The following SLC44A5 variants were observed in gnomAD, a reference collection of about 807,000 sequenced individuals.
SLC44A5 encodes choline transporter-like protein 5.
In SLC44A5, 57 loss-of-function variants were observed where a neutral mutation model predicts 101.8. The observed-to-expected ratio is 0.56, with a 90% CI of 0.45 to 0.70. The LOEUF is 0.70. Among genes scored for constraint, SLC44A5 ranks in the 30% least tolerant of loss-of-function variants. The pLI is 0.00. For missense variants in SLC44A5, 737 were observed against 853.1 expected (o/e 0.86, Z 1.70); for synonymous variants, 281 against 290.9 (o/e 0.97, Z 0.35).
chr1:75,246,558 TAATA>T lies in SLC44A5; in HGVS notation c.346-3551_346-3548del, dbSNP rs573467461. On this transcript the variant is annotated intron_variant, in intron 7 of 23. Coordinates refer to ENST00000370859, the MANE Select transcript of SLC44A5 (RefSeq NM_001130058.2). ...GTGGTAGTGGGAGACATATAAGAAA[TAATA>T]AATAAGTAAAATGTTTGTCATAAGA... 1.4e-3 allele frequency among the ~76,000 whole-genome samples: 216 copies of T among 152,018 alleles called. 1 individual carries two copies. The highest frequency in any genetic ancestry group is 2.7e-3 in the Non-Finnish European group (182 of 67,956).
the SLC44A5 span, among the ~76,000 whole-genome samples, chr1:75,694,068 G>A: frequency 6.6e-6 from 1 of 151,028 alleles, no homozygotes; most frequent in Admixed American, 6.6e-5. Flanking sequence ...TTAAAGATGA[G>A]AGTGATAATA....
chr1:75,499,064 G>A (rs1668812713), intron 2 of SLC44A5, among the ~76,000 whole-genome samples: 2 of 152,172 alleles, frequency 1.3e-5, no homozygotes, highest in African/African-American at 4.8e-5. Flanking sequence ...ATTCAAAACA[G>A]TAGCATGCTG....
chr1:75,536,627 G>GAAA (rs1671027340), intron 2 of SLC44A5, among the ~76,000 whole-genome samples: 6 of 35,470 alleles, frequency 1.7e-4, no homozygotes, highest in Admixed American at 4.1e-4. Context: ...GAAAAGAAAA[G>GAAA]AAAGAAAAAA....
intron 1 of SLC44A5, among the ~76,000 whole-genome samples, chr1:75,601,468 C>T (rs1674978680): frequency 6.6e-6 from 1 of 152,006 alleles, no homozygotes; most frequent in South Asian, 2.1e-4. Context: ...ACCACTATGG[C>T]ATGTGTACAC....
chr1:75,546,987 G>A (rs928877914), intron 1 of SLC44A5, among the ~76,000 whole-genome samples: 3 of 151,988 alleles, frequency 2.0e-5, no homozygotes, highest in Admixed American at 2.0e-4. Flanking sequence ...ATTGAAGCAA[G>A]AACAAACATT....
At chr1:75,609,066 T>C (rs764309838) in intron 1 of SLC44A5, among the ~76,000 whole-genome samples, 263 of 151,944 alleles carry the variant, frequency 1.7e-3, no homozygotes, top group Non-Finnish European at 2.5e-3. Flanking sequence ...TAGTAAGCGA[T>C]TGATTAACAC....
chr1:75,376,278 C>T (rs927859866), intron 3 of SLC44A5, among the ~76,000 whole-genome samples: 3 of 152,252 alleles, frequency 2.0e-5, no homozygotes, highest in African/African-American at 4.8e-5. Context: ...CCGCCATTGC[C>T]CAGGCTTGCC....
At chr1:75,343,512 T>C (rs1324038564) in intron 3 of SLC44A5, among the ~76,000 whole-genome samples, 8 of 152,114 alleles carry the variant, frequency 5.3e-5, no homozygotes, top group Non-Finnish European at 1.0e-4. Flanking sequence ...ACAATATAAC[T>C]ACCATTGATA....
chr1:75,461,710 C>A, intron 2 of SLC44A5, among the ~76,000 whole-genome samples: 1 of 152,162 alleles, frequency 6.6e-6, no homozygotes, highest in African/African-American at 2.4e-5. Context: ...AGAGTGAGTC[C>A]AAGGCCAGGC....
chr1:75,576,113 C>A (rs1673346316), intron 1 of SLC44A5, among the ~76,000 whole-genome samples: 1 of 136,298 alleles, frequency 7.3e-6, no homozygotes. Flanking sequence ...AAGGTGGGGG[C>A]GGGGAGTGGG....
At chr1:75,636,360 T>C in the SLC44A5 span, among the ~76,000 whole-genome samples, 1 of 152,086 alleles carries the variant, frequency 6.6e-6, no homozygotes, top group Non-Finnish European at 1.5e-5. Context: ...ATATTATTTA[T>C]AAAGATTTCC....
At chr1:75,601,702 A>C (rs1277442775) in intron 1 of SLC44A5, among the ~76,000 whole-genome samples, 1 of 152,142 alleles carries the variant, frequency 6.6e-6, no homozygotes, top group East Asian at 1.9e-4. Flanking sequence ...CCAGGAAAAA[A>C]ATTTAGCATA....
intron 7 of SLC44A5, among the ~76,000 whole-genome samples, chr1:75,244,402 G>A (rs1206204672): frequency 6.6e-6 from 1 of 151,840 alleles, no homozygotes; most frequent in African/African-American, 2.4e-5. Context: ...GCATATTCAG[G>A]GTTAAAATCT....
chr1:75,580,035 T>C (rs1283857583), intron 1 of SLC44A5, among the ~76,000 whole-genome samples: 2 of 152,180 alleles, frequency 1.3e-5, no homozygotes, highest in African/African-American at 4.8e-5. Context: ...AACTATCCAG[T>C]GAGCATGTCT....
chr1:75,713,064 T>A, the SLC44A5 span, among the ~76,000 whole-genome samples: 1 of 152,138 alleles, frequency 6.6e-6, no homozygotes, highest in African/African-American at 2.4e-5. Flanking sequence ...CTACCCTCTA[T>A]CATTTCAGCT....
intron 2 of SLC44A5, among the ~76,000 whole-genome samples, chr1:75,503,587 A>G (rs1327141581): frequency 6.6e-6 from 1 of 152,164 alleles, no homozygotes; most frequent in Admixed American, 6.5e-5. Flanking sequence ...TAAATTACCT[A>G]GTCTCAGGTA....
At chr1:75,411,125 G>A (rs758220209) in intron 2 of SLC44A5, among the ~76,000 whole-genome samples, 6 of 152,070 alleles carry the variant, frequency 3.9e-5, no homozygotes, top group Non-Finnish European at 8.8e-5. Flanking sequence ...AAACATAGTC[G>A]ATGTCCGAGT....
chr1:75,386,241 T>G (rs1233406809), intron 3 of SLC44A5, among the ~76,000 whole-genome samples: 1 of 152,126 alleles, frequency 6.6e-6, no homozygotes, highest in Non-Finnish European at 1.5e-5. Flanking sequence ...ATAAAGGGTA[T>G]TCAATTAGGA....
chr1:75,364,659 C>T (rs1659730942), intron 3 of SLC44A5, among the ~76,000 whole-genome samples: 1 of 152,138 alleles, frequency 6.6e-6, no homozygotes, highest in Non-Finnish European at 1.5e-5. Flanking sequence ...TCAATAGTTC[C>T]TTAAAAATGC....
Sources: allele counts gnomAD v4.1 joint callset (sites outside exome capture counted in the v4.1 genomes callset), GRCh38; gene constraint gnomAD v4.1.1; transcripts MANE v1.5; gene names NCBI Gene and HGNC (gene_info 2026-07-23, HGNC 2026-07-21).